Variants in PI4KA observed in about 807,000 individuals in gnomAD.
The protein encoded by PI4KA is phosphatidylinositol 4-kinase alpha, also known as PI4-kinase alpha.
PI4KA carries 122 observed loss-of-function variants against 271.4 expected under a neutral mutation model. That is an observed-to-expected ratio of 0.45 (90% CI 0.39 to 0.52). PI4KA has a LOEUF of 0.52. Among genes scored for constraint, PI4KA ranks in the 20% least tolerant of loss-of-function variants. The pLI is 0.00. For synonymous variants in PI4KA, 1,041 were observed against 1,078.8 expected (o/e 0.96, Z 0.69); for missense variants, 1,969 against 2,769.1 (o/e 0.71, Z 6.48).
At chr22:20,828,073 C>T (rs760897172) in intron 3 of PI4KA, among the ~76,000 whole-genome samples, 1 of 152,220 alleles carries the variant, frequency 6.6e-6, no homozygotes, top group South Asian at 2.1e-4. Flanking sequence ...GGATTACAGT[C>T]GTGAGCCACT....
rs1183619943 is a variant in PI4KA at position 20,741,149 on chromosome 22, G to A, written c.3741+1079C>T. Among the ~76,000 whole-genome samples the A allele has an allele frequency of 2.0e-5, 3 of 152,192 alleles. No individual in the cohort carries two copies. The East Asian group carries it at 5.8e-4, about 29-fold the overall frequency. On this transcript the variant is annotated intron_variant, in intron 32 of 54. Coordinates refer to ENST00000255882, the MANE Select transcript of PI4KA (RefSeq NM_058004.4). ...AAAACAGGACACAAGGAATTAGAGG[G>A]AGAAATTGGGTGTCATAATGGCAGT...
At chr22:20,826,794 GATT>G (rs1217272346) in intron 3 of PI4KA, among the ~76,000 whole-genome samples, 7 of 152,090 alleles carry the variant, frequency 4.6e-5, no homozygotes. Context: ...GCATTTCTCT[GATT>G]ATTAGCATCA....
intron 45 of PI4KA, among the ~76,000 whole-genome samples, chr22:20,717,386 T>A (rs1199408605): frequency 6.6e-6 from 1 of 152,258 alleles, no homozygotes; most frequent in African/African-American, 2.4e-5. Flanking sequence ...CTCGTCTGTG[T>A]GACCTGCTCC....
intron 34 of PI4KA, 62 bp from the exon 35 acceptor site, chr22:20,733,905 T>A (rs930352067): frequency 3.7e-6 from 6 of 1,609,874 alleles, no homozygotes; most frequent in Non-Finnish European, 5.1e-6. Context: ...GTTCACCTTA[T>A]GGACTCTCTT....
At chr22:20,716,332 A>G (rs1444476600) in intron 45 of PI4KA, among the ~76,000 whole-genome samples, 1 of 152,226 alleles carries the variant, frequency 6.6e-6, no homozygotes, top group African/African-American at 2.4e-5. Context: ...GATTACAGGC[A>G]TGAGCCACCG....
chr22:20,782,339 T>G (rs1432733458), intron 19 of PI4KA, among the ~76,000 whole-genome samples: 1 of 152,190 alleles, frequency 6.6e-6, no homozygotes, highest in Non-Finnish European at 1.5e-5. Flanking sequence ...CACGTGCAAA[T>G]GCTTCTGCTT....
At chr22:20,768,802 G>T (rs774718630) in intron 19 of PI4KA, among the ~76,000 whole-genome samples, 1 of 152,180 alleles carries the variant, frequency 6.6e-6, no homozygotes, top group Admixed American at 6.5e-5. Flanking sequence ...CTGTGTGGAG[G>T]GCAGCAGCAG....
rs989176748 is a variant in PI4KA, at chr22:20,798,395, G to A, written c.2108+189C>T. The A allele has an allele frequency of 1.2e-5, 7 of 576,462 alleles. No homozygotes were observed. In the South Asian group the frequency reaches 1.4e-4, roughly 12 times the overall value. 35.7% of individuals were successfully genotyped at this position (576,462 alleles called of 1,614,324 possible). The stretch of plus-strand genomic sequence containing the variant: ...AAGGAGCTGAGACCTCGTGCGCTGA[G>A]ATGCTCAGTGGTCACCTCCAGGTGG... On this transcript the variant is annotated intron_variant, in intron 17 of 54. Coordinates refer to ENST00000255882, the MANE Select transcript of PI4KA (RefSeq NM_058004.4).
At chr22:20,833,369 C>G (rs1004123073) in intron 3 of PI4KA, among the ~76,000 whole-genome samples, 1 of 152,180 alleles carries the variant, frequency 6.6e-6, no homozygotes, top group Non-Finnish European at 1.5e-5. Context: ...ACAGCAGCAC[C>G]AGCAGTGCAA....
At chr22:20,850,848 T>C (rs1926878392) in intron 1 of PI4KA, among the ~76,000 whole-genome samples, 1 of 152,068 alleles carries the variant, frequency 6.6e-6, no homozygotes, top group Admixed American at 6.6e-5. Flanking sequence ...GAGCTAAGCC[T>C]GGGCAAGATA....
intron 28 of PI4KA, 74 bp downstream of exon 28, chr22:20,749,831 C>T (rs991356575): frequency 2.2e-5 from 18 of 810,648 alleles, no homozygotes; most frequent in Admixed American, 7.7e-5. Context: ...ATTTTGAGTT[C>T]TTCATGTCTC....
intron 43 of PI4KA, among the ~76,000 whole-genome samples, chr22:20,720,649 A>G (rs144926873): frequency 6.6e-6 from 1 of 152,332 alleles, no homozygotes; most frequent in East Asian, 1.9e-4. Flanking sequence ...TCCTTTTTCA[A>G]CTACATTCAC....
intron 1 of PI4KA, among the ~76,000 whole-genome samples, chr22:20,852,215 G>A (rs1388694660): frequency 6.6e-6 from 1 of 152,212 alleles, no homozygotes; most frequent in African/African-American, 2.4e-5. Flanking sequence ...AATAGCTGCT[G>A]GTGGGAAAGA....
At chr22:20,717,839 G>C (rs1159661730) in intron 44 of PI4KA, 61 bp from the exon 45 acceptor site, 1 of 1,262,050 alleles carries the variant, frequency 7.9e-7, no homozygotes, top group Non-Finnish European at 1.1e-6. Flanking sequence ...CTGGGGGACA[G>C]CCCAGGGCCC....
intron 41 of PI4KA, 129 bp from the exon 42 acceptor site, chr22:20,726,670 G>A (rs1927387514): frequency 1.3e-6 from 1 of 787,226 alleles, no homozygotes; most frequent in South Asian, 1.9e-5. Context: ...CCAGAGGATG[G>A]CAGGCAAAAT....
intron 12 of PI4KA, 55 bp from the exon 13 acceptor site, chr22:20,803,375 G>A: frequency 6.2e-7 from 1 of 1,609,652 alleles, no homozygotes; most frequent in Non-Finnish European, 8.5e-7. Flanking sequence ...CATCTGAGTA[G>A]GCCCTGAGCA....
At chr22:20,804,424 G>A (rs756752468) in intron 11 of PI4KA, 24 bp from the exon 12 acceptor site, 3 of 1,513,780 alleles carry the variant, frequency 2.0e-6, no homozygotes, top group South Asian at 1.1e-5. Flanking sequence ...CAGAAGAGGA[G>A]ATGAGTGATC....
chr22:20,742,921 T>G, intron 30 of PI4KA, 157 bp from the exon 31 acceptor site: 1 of 640,370 alleles, frequency 1.6e-6, no homozygotes, highest in Non-Finnish European at 2.8e-6. Flanking sequence ...ATTTCAATGA[T>G]GCTACCACTG....
intron 4 of PI4KA, among the ~76,000 whole-genome samples, chr22:20,823,279 A>C (rs1460958837): frequency 2.0e-5 from 1 of 49,954 alleles, no homozygotes; most frequent in Non-Finnish European, 4.0e-5. Context: ...TATTCTGATA[A>C]ATTTTATTCA....
Sources: allele counts gnomAD v4.1 joint callset (sites outside exome capture counted in the v4.1 genomes callset), GRCh38; gene constraint gnomAD v4.1.1; transcripts MANE v1.5; gene names NCBI Gene and HGNC (gene_info 2026-07-23, HGNC 2026-07-21).